Variants in COL22A1 observed in about 807,000 individuals in gnomAD.
The protein encoded by COL22A1 is collagen type XXII alpha 1 chain.
Under a neutral mutation model 248.9 loss-of-function variants are expected in COL22A1, and 221 were observed. The observed-to-expected ratio is 0.89, with a 90% confidence interval of 0.80 to 0.99. The LOEUF (loss-of-function observed/expected upper bound fraction) is 0.99, where lower values mean the gene tolerates loss of function less well. COL22A1 is among the 50% of genes least tolerant of loss of function. The pLI is 0.00. For synonymous variants in COL22A1, 891 were observed against 793.4 expected (o/e 1.12, Z -2.07); for missense variants, 2,240 against 2,179.0 (o/e 1.03, Z -0.56).
chr8:138,869,177 T>C (rs1365591645), intron 3 of COL22A1, among the ~76,000 whole-genome samples: 2 of 152,174 alleles, frequency 1.3e-5, no homozygotes, highest in African/African-American at 4.8e-5. Flanking sequence ...CTTCAACCAC[T>C]GATGGAGCTA....
chr8:138,775,948 A>G lies in COL22A1; in HGVS notation c.1803+18T>C, dbSNP rs977252393. ...CTATGGAAAGCCGTATTGATGAATG[A>G]GTGCAGACTATAAATACCTTTTCTC... On this transcript the variant is annotated intron_variant, in intron 16 of 64. Transcript: ENST00000303045. 3.7e-6 allele frequency: 6 copies of G among 1,612,422 alleles called. No homozygotes were observed. The highest frequency in any genetic ancestry group is 3.4e-6 in the Non-Finnish European group (4 of 1,178,520).
chr8:138,719,360 G>A (rs1829692348), intron 27 of COL22A1, among the ~76,000 whole-genome samples: 1 of 152,112 alleles, frequency 6.6e-6, no homozygotes, highest in African/African-American at 2.4e-5. Flanking sequence ...GAAGGATATA[G>A]TGTCTGTCGG....
In COL22A1 at chr8:138,679,544, G is replaced by C. The variant is rs1825804336; in HGVS notation, c.3072+73C>G. The stretch of plus-strand genomic sequence containing the variant: ...AACTAAGACTCAGTCCCATTATTTT[G>C]TTGTTATAAAGCTGCCTCTGCCTGT... On this transcript the variant is annotated intron_variant, in intron 40 of 64. Transcript: ENST00000303045. The C allele has an allele frequency of 2.4e-6, 3 of 1,267,504 alleles. No homozygotes were observed. In the East Asian group the frequency reaches 6.9e-5, roughly 29 times the overall value. 78.5% of individuals were successfully genotyped at this position (1,267,504 alleles called of 1,614,324 possible).
chr8:138,623,874 A>G, intron 51 of COL22A1, 89 bp from the exon 52 acceptor site: 1 of 1,129,914 alleles, frequency 8.9e-7, no homozygotes, highest in Non-Finnish European at 1.3e-6. Flanking sequence ...CTTCCTGCCC[A>G]GCTTCCAGCA....
At chr8:138,700,234 G>A in intron 31 of COL22A1, 90 bp from the exon 32 acceptor site, 1 of 1,222,646 alleles carries the variant, frequency 8.2e-7, no homozygotes. Context: ...ATTTACAAGT[G>A]AAAGAATACA....
At chr8:138,739,284 C>A (rs1187319485) in intron 22 of COL22A1, among the ~76,000 whole-genome samples, 6 of 152,226 alleles carry the variant, frequency 3.9e-5, no homozygotes. Context: ...CCACCTCCAC[C>A]TTGAATCTGC....
At chr8:138,602,216 G>C in intron 59 of COL22A1, 57 bp from the exon 60 acceptor site, 2 of 1,582,692 alleles carry the variant, frequency 1.3e-6, no homozygotes, top group Admixed American at 1.7e-5. Flanking sequence ...TGGTGTCCTT[G>C]CCTTGCTGGA....
At chr8:138,856,699 T>TAG (rs1362580150) in intron 3 of COL22A1, among the ~76,000 whole-genome samples, 1 of 146,112 alleles carries the variant, frequency 6.8e-6, no homozygotes, top group Admixed American at 6.7e-5. Flanking sequence ...GAGAGAGGGA[T>TAG]AGAGAGAGAG....
chr8:138,867,508 A>G (rs1340216020), intron 3 of COL22A1, among the ~76,000 whole-genome samples: 2 of 152,208 alleles, frequency 1.3e-5, no homozygotes, highest in African/African-American at 4.8e-5. Flanking sequence ...ATTGGGAACT[A>G]TCATTTCAGA....
chr8:138,797,120 C>T (rs1373553571), intron 11 of COL22A1, among the ~76,000 whole-genome samples: 1 of 152,110 alleles, frequency 6.6e-6, no homozygotes, highest in African/African-American at 2.4e-5. Flanking sequence ...AATTTGCATA[C>T]CATATAATTC....
rs1255639953 is a variant in COL22A1, at chr8:138,693,584, G to C, written c.2754+62C>G. On this transcript the variant is annotated intron_variant, in intron 35 of 64. Transcript: ENST00000303045. ...GAGCTGTGAGCCATAGAGCAGAGCA[G>C]ACACTGGGCGGGGCCTCCCTCCGGG... 2.0e-6 allele frequency: 3 copies of C among 1,499,298 alleles called. No homozygotes were observed. The Admixed American group carries it at 5.9e-5, about 29-fold the overall frequency. The allele number at this position is 1,499,298 out of a possible 1,614,324, so 92.9% of individuals were successfully genotyped here.
At chr8:138,879,496 AG>A (rs1320791746) in intron 2 of COL22A1, among the ~76,000 whole-genome samples, 2 of 152,206 alleles carry the variant, frequency 1.3e-5, no homozygotes, top group East Asian at 3.9e-4. Flanking sequence ...GTTTGAGACC[AG>A]TCTGGCCAAT....
chr8:138,802,169 A>T (rs1817050494), intron 11 of COL22A1, among the ~76,000 whole-genome samples: 1 of 152,198 alleles, frequency 6.6e-6, no homozygotes, highest in African/African-American at 2.4e-5. Context: ...AGAAAGGTTA[A>T]GTATCTTGGT....
intron 4 of COL22A1, among the ~76,000 whole-genome samples, chr8:138,836,830 A>G (rs1173055520): frequency 2.0e-5 from 3 of 152,344 alleles, no homozygotes; most frequent in East Asian, 1.9e-4. Context: ...TACGCAGTGA[A>G]GAATCCCTCC....
chr8:138,780,401 C>T (rs1178320748), intron 13 of COL22A1, among the ~76,000 whole-genome samples: 1 of 152,170 alleles, frequency 6.6e-6, no homozygotes, highest in African/African-American at 2.4e-5. Context: ...CTAATGTGTA[C>T]TTGGATGCTT....
intron 2 of COL22A1, among the ~76,000 whole-genome samples, chr8:138,882,240 TCTC>T (rs1047556388): frequency 2.0e-5 from 3 of 151,950 alleles, no homozygotes; most frequent in Non-Finnish European, 4.4e-5. Context: ...TGTCACGCTC[TCTC>T]CTCCTCTCGC....
chr8:138,661,039 G>T (rs199568381), intron 43 of COL22A1, among the ~76,000 whole-genome samples: 2 of 70,234 alleles, frequency 2.8e-5, no homozygotes, highest in African/African-American at 1.4e-4. Flanking sequence ...CACATATACA[G>T]ACACACACAC....
intron 17 of COL22A1, 80 bp downstream of exon 17, chr8:138,762,333 G>T: frequency 7.0e-7 from 1 of 1,420,048 alleles, no homozygotes; most frequent in Non-Finnish European, 9.9e-7. Flanking sequence ...GAGGCTCTGT[G>T]GAGCTTTATG....
chr8:138,893,042 G>T (rs1009660022), intron 1 of COL22A1, among the ~76,000 whole-genome samples: 13 of 152,206 alleles, frequency 8.5e-5, no homozygotes, highest in African/African-American at 2.9e-4. Context: ...AGCTGTCTGT[G>T]ATGCAAACTG....
Sources: gnomAD v4.1 joint callset for allele counts (sites outside exome capture counted in the v4.1 genomes callset) on GRCh38, gnomAD v4.1.1 for gene constraint, MANE v1.5 for transcripts, NCBI Gene and HGNC (gene_info 2026-07-23, HGNC 2026-07-21) for gene names.